The following TXK variants were observed in gnomAD, a reference collection of about 807,000 sequenced individuals.
TXK encodes TXK tyrosine kinase, also known as tyrosine-protein kinase TXK.
A neutral mutation model predicts 81.0 loss-of-function variants in TXK; 60 were observed. The ratio of observed to expected loss-of-function variants is 0.74; its 90% CI spans 0.60 to 0.92. The LOEUF is 0.92. Ranked by LOEUF, TXK falls within the 40% of genes least tolerant of loss-of-function variation. The pLI is 0.00. For synonymous variants in TXK, 203 were observed against 210.7 expected, an observed-to-expected ratio of 0.96 and a Z score of 0.32; for missense variants, 581 against 638.3, an observed-to-expected ratio of 0.91 and a Z score of 0.97.
chr4:48,082,175 A>G (rs1298126928), intron 10 of TXK, among the ~76,000 whole-genome samples: 4 of 152,180 alleles, frequency 2.6e-5, no homozygotes, highest in Non-Finnish European at 5.9e-5. Context: ...ATGTAAACCA[A>G]AAATAAAATT....
chr4:48,122,253 T>G (rs1203200654), intron 1 of TXK, among the ~76,000 whole-genome samples: 4 of 152,172 alleles, frequency 2.6e-5, no homozygotes, highest in African/African-American at 9.7e-5. Flanking sequence ...GGCCTCCTGT[T>G]CCCTCTCATC....
intron 1 of TXK, among the ~76,000 whole-genome samples, chr4:48,120,760 G>A (rs1718936852): frequency 6.6e-6 from 1 of 151,948 alleles, no homozygotes; most frequent in African/African-American, 2.4e-5. Flanking sequence ...CAAAGTCCTG[G>A]GATTAAAGGC....
chr4:48,128,462 T>C (rs1164683864), intron 1 of TXK, among the ~76,000 whole-genome samples: 1 of 151,870 alleles, frequency 6.6e-6, no homozygotes, highest in African/African-American at 2.4e-5. Flanking sequence ...GCTGATTCTG[T>C]AAGTTTGCTG....
intron 5 of TXK, 67 bp downstream of exon 5, chr4:48,110,471 G>C: frequency 8.7e-7 from 1 of 1,151,776 alleles, no homozygotes; most frequent in Admixed American, 1.8e-5. Flanking sequence ...ACCCAAAACA[G>C]TATCTATACT....
intron 14 of TXK, among the ~76,000 whole-genome samples, chr4:48,071,197 GC>G (rs752709374): frequency 6.6e-6 from 1 of 152,124 alleles, no homozygotes; most frequent in Non-Finnish European, 1.5e-5. Flanking sequence ...ACTGCGCCCG[GC>G]CCATTAATTC....
Position 48,073,983 on chromosome 4 carries a change from C to T in TXK, c.1309G>A (p.Val437Ile). ...KFPIKWSPPE[V>I]FLFNKYSSKS... ...CTGCTGTACTTATTGAAAAGAAAAA[C>T]TTCAGGAGGGGACCACTTGATTGGG... Residue 437 changes from valine to isoleucine, a missense_variant, in exon 13 of 15, where the codon GTT (valine) becomes ATT (isoleucine). Coordinates refer to ENST00000264316, the MANE Select transcript of TXK (RefSeq NM_003328.3). 1 of 1,613,914 alleles carries T rather than the reference C, an allele frequency of 6.2e-7. No homozygotes were observed. The highest frequency in any genetic ancestry group is 8.5e-7 in the Non-Finnish European group (1 of 1,179,904).
intron 1 of TXK, among the ~76,000 whole-genome samples, chr4:48,126,652 C>T (rs1327643299): frequency 6.9e-6 from 1 of 144,308 alleles, no homozygotes; most frequent in Non-Finnish European, 1.5e-5. Context: ...AGGCACACTC[C>T]ACCATACCCG....
intron 5 of TXK, among the ~76,000 whole-genome samples, chr4:48,108,073 A>AAATAAATT (rs1718520100): frequency 7.4e-6 from 1 of 134,304 alleles, no homozygotes; most frequent in East Asian, 1.9e-4. Context: ...TCTGTCTCAA[A>AAATAAATT]AATAAATAAA....
At chr4:48,123,612 C>A (rs963212888) in intron 1 of TXK, among the ~76,000 whole-genome samples, 6 of 152,210 alleles carry the variant, frequency 3.9e-5, no homozygotes, top group Non-Finnish European at 8.8e-5. Context: ...TTAGTCCTCA[C>A]AATGACTCTG....
At position 48,104,250 on chromosome 4, in the gene TXK, T is replaced by A. The variant is rs13111351; in HGVS notation, c.501+651A>T. 5.7e-5 allele frequency among the ~76,000 whole-genome samples: 2 copies of A among 35,232 alleles called. 1 individual carries two copies. The highest frequency in any genetic ancestry group is 5.5e-3 in the East Asian group (2 of 366). 23.1% of individuals were successfully genotyped at this position (35,232 alleles called of 152,430 possible). A position where few individuals can be genotyped will look rare whatever the true frequency, so the allele number is the denominator to read the frequency against. ...ATATTATATTATATATAATATATAT[T>A]TTATATATATAATATATAATATAAT... On this transcript the variant is annotated intron_variant, in intron 6 of 14. Transcript: ENST00000264316.
chr4:48,099,063 A>G (rs1718089139), intron 6 of TXK, among the ~76,000 whole-genome samples: 1 of 152,230 alleles, frequency 6.6e-6, no homozygotes, highest in South Asian at 2.1e-4. Context: ...TAAAAGTACT[A>G]TATTAAAATT....
chr4:48,133,955 A>C (rs947755697), intron 1 of TXK, among the ~76,000 whole-genome samples, 200 bp downstream of exon 1: 2 of 152,210 alleles, frequency 1.3e-5, no homozygotes, highest in African/African-American at 4.8e-5. Flanking sequence ...TTATGTTCTC[A>C]ATGCTGAACC....
At chr4:48,107,899 TAA>T (rs57715867) in intron 5 of TXK, among the ~76,000 whole-genome samples, 2 of 128,798 alleles carry the variant, frequency 1.6e-5, no homozygotes, top group African/African-American at 6.9e-5. Flanking sequence ...TGTCTCTACT[TAA>T]AAAAAAAAAA....
At chr4:48,071,878 T>A (rs1251064172) in intron 13 of TXK, among the ~76,000 whole-genome samples, 5 of 152,104 alleles carry the variant, frequency 3.3e-5, no homozygotes, top group Non-Finnish European at 7.4e-5. Context: ...ATAATCTAAG[T>A]GAAAACAATG....
intron 1 of TXK, among the ~76,000 whole-genome samples, chr4:48,124,839 T>C (rs906591934): frequency 1.3e-5 from 2 of 152,272 alleles, no homozygotes; most frequent in Admixed American, 6.5e-5. Context: ...GTGTTTGTTT[T>C]TTCTTTTCTG....
chr4:48,112,055 A>G (rs1284839014), intron 4 of TXK, among the ~76,000 whole-genome samples: 1 of 152,254 alleles, frequency 6.6e-6, no homozygotes, highest in Non-Finnish European at 1.5e-5. Context: ...ATAAAGAAAC[A>G]AAAACTCAGA....
chr4:48,123,339 C>A (rs914157009), intron 1 of TXK, among the ~76,000 whole-genome samples: 2 of 152,108 alleles, frequency 1.3e-5, no homozygotes, highest in African/African-American at 4.8e-5. Flanking sequence ...TCTGTCTTAC[C>A]TTTTCCCCAA....
At chr4:48,094,669 C>T (rs1717910589) in intron 7 of TXK, among the ~76,000 whole-genome samples, 1 of 152,156 alleles carries the variant, frequency 6.6e-6, no homozygotes, top group East Asian at 1.9e-4. Context: ...AATTGTCCCA[C>T]TGAAGTGCAA....
intron 5 of TXK, chr4:48,109,463 T>C: frequency 6.6e-6 from 1 of 152,152 alleles, no homozygotes. Flanking sequence ...AGAACTTTGA[T>C]TTACTGGAGA....
Sources: allele counts gnomAD v4.1 joint callset (sites outside exome capture counted in the v4.1 genomes callset), GRCh38; gene constraint gnomAD v4.1.1; transcripts MANE v1.5; gene names NCBI Gene and HGNC (gene_info 2026-07-23, HGNC 2026-07-21).